The following FARP1 variants were observed in gnomAD, a reference collection of about 807,000 sequenced individuals.
The protein encoded by FARP1 is FERM, ARH/RhoGEF and pleckstrin domain protein 1.
Under a neutral mutation model 128.8 loss-of-function variants are expected in FARP1, and 52 were observed. That is an observed-to-expected ratio of 0.40 (90% confidence interval 0.32 to 0.51). The LOEUF (loss-of-function observed/expected upper bound fraction) is 0.51. Among genes scored for constraint, FARP1 ranks in the 20% least tolerant of loss-of-function variants. FARP1 has a pLI of 0.45. For missense variants in FARP1, 1,333 were observed against 1,367.9 expected, an observed-to-expected ratio of 0.97 and a Z score of 0.40; for synonymous variants, 580 against 551.8, an observed-to-expected ratio of 1.05 and a Z score of -0.72.
At chr13:98,423,961 C>T (rs1292887400) in intron 16 of FARP1, among the ~76,000 whole-genome samples, 3 of 152,330 alleles carry the variant, frequency 2.0e-5, no homozygotes, top group Admixed American at 6.5e-5. Flanking sequence ...CTCCCCTCCA[C>T]GCCTCTCTCT....
At chr13:98,186,823 CT>C (rs1216896513) in intron 1 of FARP1, among the ~76,000 whole-genome samples, 1 of 151,578 alleles carries the variant, frequency 6.6e-6, no homozygotes. Flanking sequence ...GAAACTCCAT[CT>C]CTACTAAAAA....
At chr13:98,298,243 T>C (rs1184222499) in intron 2 of FARP1, among the ~76,000 whole-genome samples, 1 of 152,266 alleles carries the variant, frequency 6.6e-6, no homozygotes, top group Non-Finnish European at 1.5e-5. Context: ...TTATCCCATT[T>C]TGCCAAGGAA....
Position 98,176,574 on chromosome 13 carries a change from C to G in FARP1, c.-24+33082C>G. 6.2e-7 allele frequency: 1 copy of G among 1,614,234 alleles called. No individual in the cohort carries two copies. Among genetic ancestry groups the G allele is most frequent in the East Asian group, 2.2e-5 (1 of 44,880 alleles). The stretch of plus-strand genomic sequence containing the variant: ...GCTCCCGTTCAATCTCCCACCCGAG[C>G]TTGTAATCGGAACGGTCGTGGAGGA... On this transcript the variant is annotated intron_variant, in intron 1 of 26. Transcript: ENST00000319562. This position sits in a 1 kb window ranked among gnomAD's most constrained non-coding sequence, Gnocchi z 6.2.
chr13:98,407,707 C>T (rs1009781345), intron 13 of FARP1, among the ~76,000 whole-genome samples: 2 of 152,146 alleles, frequency 1.3e-5, no homozygotes, highest in African/African-American at 2.4e-5. Context: ...ACCAGTAGTC[C>T]GTGGGCAGGA....
intron 1 of FARP1, among the ~76,000 whole-genome samples, chr13:98,203,014 C>G (rs1880046266): frequency 6.6e-6 from 1 of 152,198 alleles, no homozygotes; most frequent in Non-Finnish European, 1.5e-5. Context: ...GACACTGCCC[C>G]TGGCCCAAAT....
chr13:98,309,150 G>A (rs9513397), intron 2 of FARP1, among the ~76,000 whole-genome samples: 55,611 of 122,968 alleles, frequency 0.45, 13,125 homozygotes, highest in East Asian at 0.6. Context: ...AATTTTAAGA[G>A]GCCTTTTTTT....
At chr13:98,445,045 C>T (rs3752972) in intron 24 of FARP1, 99,396 of 152,432 alleles carry the variant, frequency 0.65, 35,428 homozygotes, top group Non-Finnish European at 0.81. Flanking sequence ...CAGCCCCTCA[C>T]GGACCTACTG....
chr13:98,273,218 G>A (rs56821953), intron 2 of FARP1, among the ~76,000 whole-genome samples: 4,151 of 152,252 alleles, frequency 0.027, 165 homozygotes, highest in African/African-American at 0.09. Flanking sequence ...GTAAAGCTTT[G>A]TCTAAAAATG....
intron 1 of FARP1, among the ~76,000 whole-genome samples, chr13:98,200,267 G>T (rs750035476): frequency 9.2e-5 from 14 of 152,142 alleles, no homozygotes; most frequent in Non-Finnish European, 1.6e-4. Flanking sequence ...TGCTTGGCTT[G>T]TGTCTGGTGG....
rs1032699906 is a variant in FARP1 at position 98,387,518 on chromosome 13, A to C, written c.760-865A>C. On this transcript the variant is annotated intron_variant, in intron 8 of 26. Transcript: ENST00000319562. ...GTGTCTCGGAACCCACCTTCTTGCCAGTGCCCTATTGCTTCATTCTTGCCA... is the reference window on the plus strand; with the variant it reads ...GTGTCTCGGAACCCACCTTCTTGCCCGTGCCCTATTGCTTCATTCTTGCCA... 7.2e-5 allele frequency among the ~76,000 whole-genome samples: 11 copies of C among 152,304 alleles called. No homozygotes were observed. The East Asian group carries it at 1.9e-3, about 27-fold the overall frequency.
intron 3 of FARP1, among the ~76,000 whole-genome samples, chr13:98,355,829 T>C (rs1051741280): frequency 2.0e-5 from 3 of 152,204 alleles, no homozygotes; most frequent in Non-Finnish European, 4.4e-5. Flanking sequence ...GTTTTCATTT[T>C]CAATACTTTC....
At chr13:98,227,247 G>C (rs948249580) in intron 2 of FARP1, among the ~76,000 whole-genome samples, 1 of 152,004 alleles carries the variant, frequency 6.6e-6, no homozygotes, top group South Asian at 2.1e-4. Flanking sequence ...CTGGCCTCCT[G>C]TTGCATTTCT....
chr13:98,175,069 A>G (rs559647553), intron 1 of FARP1, among the ~76,000 whole-genome samples: 1 of 152,316 alleles, frequency 6.6e-6, no homozygotes, highest in East Asian at 1.9e-4. Flanking sequence ...ACTGCTAGGT[A>G]GCTTGGTTTG....
At chr13:98,244,754 G>C in intron 2 of FARP1, 3 of 1,585,156 alleles carry the variant, frequency 1.9e-6, no homozygotes, top group Middle Eastern at 1.7e-4. Flanking sequence ...CAAAGAAATT[G>C]ATTGGCAATG....
chr13:98,374,316 C>G (rs543610856), intron 5 of FARP1, among the ~76,000 whole-genome samples: 260 of 152,280 alleles, frequency 1.7e-3, no homozygotes, highest in Non-Finnish European at 2.6e-3. Flanking sequence ...CACAGCTACT[C>G]TGGAGGCTGA....
At chr13:98,279,921 G>A (rs1295963383) in intron 2 of FARP1, among the ~76,000 whole-genome samples, 4 of 152,018 alleles carry the variant, frequency 2.6e-5, no homozygotes, top group African/African-American at 4.8e-5. Flanking sequence ...TCTCCCCCAC[G>A]TTCTCCGCTG....
chr13:98,416,344 C>G (rs1412503788), intron 16 of FARP1, among the ~76,000 whole-genome samples: 2 of 152,158 alleles, frequency 1.3e-5, no homozygotes, highest in African/African-American at 4.8e-5. Context: ...CCTTCGCAGT[C>G]CTGCATGAGA....
chr13:98,437,345 G>A (rs1459265010), intron 19 of FARP1, among the ~76,000 whole-genome samples: 3 of 152,196 alleles, frequency 2.0e-5, no homozygotes, highest in East Asian at 1.9e-4. Flanking sequence ...TAATCGCTCC[G>A]TGTCGCAGGT....
chr13:98,234,144 T>G (rs1288371103), intron 2 of FARP1: 2 of 152,252 alleles, frequency 1.3e-5, no homozygotes, highest in Non-Finnish European at 2.9e-5. Context: ...CAGCGTTTTC[T>G]TCAAGGACTC....
Sources: gnomAD v4.1 joint callset for allele counts (sites outside exome capture counted in the v4.1 genomes callset) on GRCh38, gnomAD v4.1.1 for gene constraint, Gnocchi (gnomAD v3.1) non-coding constraint, MANE v1.5 for transcripts, NCBI Gene and HGNC (gene_info 2026-07-23, HGNC 2026-07-21) for gene names.